The following COG7 variants were observed in gnomAD, a reference collection of about 807,000 sequenced individuals.
COG7 encodes the protein conserved oligomeric Golgi complex subunit 7.
In COG7, 49 loss-of-function variants were observed where a neutral mutation model predicts 91.5. That is an observed-to-expected ratio of 0.54 (90% CI 0.43 to 0.68). The LOEUF (loss-of-function observed/expected upper bound fraction) is 0.68. Among genes scored for constraint, COG7 ranks in the 30% least tolerant of loss-of-function variants. The pLI is 0.00. For synonymous variants in COG7, 365 were observed against 388.7 expected (o/e 0.94, Z 0.72); for missense variants, 895 against 961.3 (o/e 0.93, Z 0.91).
chr16:23,433,655 C>T lies in COG7; in HGVS notation c.700G>A (p.Ala234Thr). The T allele has an allele frequency of 1.2e-6, 2 of 1,613,996 alleles. No individual in the cohort carries two copies. Among genetic ancestry groups the T allele is most frequent in the Non-Finnish European group, 1.7e-6 (2 of 1,179,976 alleles). Residue 234 changes from alanine to threonine, a missense_variant, in exon 6 of 17, where the codon GCA becomes ACA. Coordinates refer to ENST00000307149, the MANE Select transcript of COG7 (RefSeq NM_153603.4). Reference sequence around the variant, plus strand: ...CTTTGACACAGCTCTTGCCAGGCTGCTAAAAGCTGCACCTGCAGAGACAGA... The same window carrying T: ...CTTTGACACAGCTCTTGCCAGGCTGTTAAAAGCTGCACCTGCAGAGACAGA... ...YYKCHKVQLLAAWQELCQSDL... is the reference protein window; with the variant it reads ...YYKCHKVQLLTAWQELCQSDL...
intron 4 of COG7, among the ~76,000 whole-genome samples, chr16:23,436,564 T>C (rs1191495016): frequency 6.6e-6 from 1 of 151,846 alleles, no homozygotes; most frequent in Non-Finnish European, 1.5e-5. Context: ...TGAAACCCCG[T>C]CTCTACTAAA....
intron 16 of COG7, 176 bp downstream of exon 16, chr16:23,392,204 G>C: frequency 1.3e-6 from 2 of 1,499,060 alleles, no homozygotes; most frequent in Non-Finnish European, 1.8e-6. Context: ...GTCTTGCTAA[G>C]TCAGAATCTC....
chr16:23,403,697 CA>C lies in COG7; in HGVS notation c.1799del (p.Met600ArgfsTer40), dbSNP rs763379287. Reference protein sequence around the residue: ...IKQQLLLISKMDSWNTAGIGE... With the variant: ...IKQQLLLISKXDSWNTAGIGE... The stretch of plus-strand genomic sequence containing the variant: ...ATGTGGTCAGTGAGAAACTCACGTC[CA>C]TCTTCGAAATAAGCAACAGCTGTTG... On this transcript the variant is annotated frameshift_variant, in exon 13 of 17. Transcript: ENST00000307149. LOFTEE classifies it high-confidence loss of function. The C allele has an allele frequency of 1.2e-6, 2 of 1,613,996 alleles. No homozygotes were observed. Among genetic ancestry groups the C allele is most frequent in the Non-Finnish European group, 1.7e-6 (2 of 1,179,912 alleles).
Position 23,410,153 on chromosome 16 carries a change from C to T in COG7, c.1475+142G>A, listed in dbSNP as rs938256871. ...ACGTTTAATGATGACAATAATGACA[C>T]GCTGTATCTAGGTACAGACAGTCCT... is the stretch of plus-strand genomic sequence containing the variant. On this transcript the variant is annotated intron_variant, in intron 11 of 16. Transcript: ENST00000307149. 27 of 712,930 alleles carry T rather than the reference C, an allele frequency of 3.8e-5. No individual in the cohort carries two copies. In the East Asian group the frequency reaches 3.8e-4, roughly 10 times the overall value. 44.2% of individuals were successfully genotyped at this position (712,930 alleles called of 1,614,324 possible).
At chr16:23,399,076 T>A (rs75442531) in intron 13 of COG7, among the ~76,000 whole-genome samples, 2 of 152,196 alleles carry the variant, frequency 1.3e-5, no homozygotes, top group African/African-American at 4.8e-5. Context: ...ATGTAGGAAC[T>A]GCTGTCTGCA....
chr16:23,424,858 G>A lies in COG7; in HGVS notation c.900C>T (p.Asn300=), dbSNP rs112611398. Residue 300 remains asparagine, a synonymous_variant, in exon 7 of 17, where the codon AAC becomes AAT. Coordinates refer to ENST00000307149, the MANE Select transcript of COG7 (RefSeq NM_153603.4). ...GCTCGGGCCCTGCCCTCTCCACGCCGTTGCTGAGGCAGGAGGGCAGCGAGG... is the reference window on the plus strand; with the variant it reads ...GCTCGGGCCCTGCCCTCTCCACGCCATTGCTGAGGCAGGAGGGCAGCGAGG... ...LMPSLPSCLS[N]GVERAGPEQE... is the part of the protein sequence containing the mutation. 403 of 1,614,208 alleles carry A rather than the reference G, an allele frequency of 2.5e-4. 1 individual carries two copies. The African/African-American group carries it at 3.3e-3, about 13-fold the overall frequency.
At chr16:23,413,646 G>A (rs765127757) in intron 9 of COG7, 82 bp from the exon 10 acceptor site, 4 of 826,352 alleles carry the variant, frequency 4.8e-6, no homozygotes, top group Non-Finnish European at 8.6e-6. Flanking sequence ...TACAGCTCTG[G>A]ACAAATTGCT....
chr16:23,419,676 G>C (rs950682879), intron 7 of COG7, among the ~76,000 whole-genome samples: 5 of 149,742 alleles, frequency 3.3e-5, no homozygotes, highest in African/African-American at 1.2e-4. Context: ...TTGAACCCAG[G>C]AGGTGGAGGT....
intron 12 of COG7, among the ~76,000 whole-genome samples, chr16:23,405,408 C>G (rs544319924): frequency 1.3e-5 from 2 of 152,168 alleles, no homozygotes; most frequent in Non-Finnish European, 2.9e-5. Flanking sequence ...TGACCCTGAA[C>G]AGGGCCAGGG....
chr16:23,400,851 T>A (rs1319307005), intron 13 of COG7, among the ~76,000 whole-genome samples: 3 of 151,864 alleles, frequency 2.0e-5, no homozygotes, highest in African/African-American at 4.8e-5. Flanking sequence ...TTGCCTGTAG[T>A]CCCAGATACT....
rs778672180 is a variant in COG7, at chr16:23,398,102, T to G, written c.1831A>C (p.Thr611Pro). 6.2e-7 allele frequency: 1 copy of G among 1,613,922 alleles called. No homozygotes were observed. The highest frequency in any genetic ancestry group is 1.1e-5 in the South Asian group (1 of 91,040). Residue 611 changes from threonine (T) to proline (P), a missense_variant, in exon 14 of 17, where the codon ACC (threonine) becomes CCC (proline). Thr to Pro is a conservative substitution (Grantham distance 38). Coordinates refer to ENST00000307149, the MANE Select transcript of COG7 (RefSeq NM_153603.4). ...AAGGCGGGCAGTTCATCTGTGAGGGTTTCTCCGATGCCAGCCGTATTCCAG... is the reference window on the plus strand; with the variant it reads ...AAGGCGGGCAGTTCATCTGTGAGGGGTTCTCCGATGCCAGCCGTATTCCAG... ...DSWNTAGIGE[T>P]LTDELPAFSL...
chr16:23,428,565 G>A (rs1276498679), intron 6 of COG7, among the ~76,000 whole-genome samples: 1 of 151,948 alleles, frequency 6.6e-6, no homozygotes, highest in Non-Finnish European at 1.5e-5. Context: ...ACACCCACCA[G>A]CATGGCTGAA....
chr16:23,390,179 G>A (rs1340170697), intron 16 of COG7: 2 of 149,416 alleles, frequency 1.3e-5, no homozygotes, highest in African/African-American at 4.9e-5. Flanking sequence ...CACCCGATAT[G>A]CCCCTGGCTA....
chr16:23,436,481 C>A (rs1015775121), intron 4 of COG7, among the ~76,000 whole-genome samples: 1 of 152,124 alleles, frequency 6.6e-6, no homozygotes, highest in African/African-American at 2.4e-5. Flanking sequence ...TGACTATAAT[C>A]CCAGTACTTT....
In COG7 at chr16:23,424,789, G is replaced by C. The variant is rs1303033138; in HGVS notation, c.969C>G (p.His323Gln). 1 of 1,614,268 alleles carries C rather than the reference G, an allele frequency of 6.2e-7. No individual in the cohort carries two copies. The stretch of plus-strand genomic sequence containing the variant: ...GTGCCATCTCCAAGCCCTTGGCGAA[G>C]TGGGCGGTGGCGTCGTAGAACTCCA... ...RLLEFYDATA[H>Q]FAKGLEMALL... The change falls in exon 7 of 17, where the codon CAC (histidine) becomes CAG (glutamine). Residue 323 changes from histidine to glutamine, a missense_variant. Physicochemically the swap from His to Gln is conservative, Grantham distance 24. Coordinates refer to ENST00000307149, the MANE Select transcript of COG7 (RefSeq NM_153603.4).
chr16:23,390,649 C>T (rs1963179640), intron 16 of COG7, among the ~76,000 whole-genome samples: 1 of 152,144 alleles, frequency 6.6e-6, no homozygotes, highest in Non-Finnish European at 1.5e-5. Flanking sequence ...CTATGTTGCC[C>T]AGGTTGGCCT....
At chr16:23,420,945 G>C (rs1169576005) in intron 7 of COG7, among the ~76,000 whole-genome samples, 2 of 143,826 alleles carry the variant, frequency 1.4e-5, no homozygotes, top group African/African-American at 5.2e-5. Flanking sequence ...GTAGAGATGG[G>C]GTATATGTTT....
intron 9 of COG7, chr16:23,416,623 G>A (rs558688371): frequency 1.7e-4 from 57 of 339,948 alleles, no homozygotes; most frequent in African/African-American, 1.1e-3. Flanking sequence ...GTGATTCACC[G>A]CACCAGGCCA....
At chr16:23,409,069 G>A (rs1174869282) in intron 11 of COG7, among the ~76,000 whole-genome samples, 1 of 130,722 alleles carries the variant, frequency 7.6e-6, no homozygotes, top group Non-Finnish European at 1.6e-5. Context: ...GCATGCGTGT[G>A]TGTGTGTGTG....
Sources: allele counts gnomAD v4.1 joint callset (sites outside exome capture counted in the v4.1 genomes callset), GRCh38; gene constraint gnomAD v4.1.1; transcripts MANE v1.5; gene names NCBI Gene and HGNC (gene_info 2026-07-23, HGNC 2026-07-21).